Variants in ZNF793 observed in about 807,000 individuals in gnomAD.
The protein encoded by ZNF793 is zinc finger protein 793.
ZNF793 carries 5 observed loss-of-function variants against 12.4 expected under a neutral mutation model. The observed-to-expected ratio is 0.40, with a 90% CI of 0.21 to 0.84. The LOEUF (loss-of-function observed/expected upper bound fraction) is 0.84. Ranked by LOEUF, ZNF793 falls within the 40% of genes least tolerant of loss-of-function variation. ZNF793 has a pLI of 0.35. For missense variants in ZNF793, 456 were observed against 495.0 expected (o/e 0.92, Z 0.75); for synonymous variants, 162 against 172.4 (o/e 0.94, Z 0.47).
chr19:37,507,229 TGAA>T (rs2042257030), intron 1 of ZNF793: 1 of 152,886 alleles, frequency 6.5e-6, no homozygotes, highest in South Asian at 2.1e-4. Flanking sequence ...GCACGGTCTC[TGAA>T]GAAGATGGAT....
chr19:37,542,378 G>A lies in ZNF793; in HGVS notation c.*4499G>A, dbSNP rs1362790861. On this transcript the variant is annotated 3_prime_UTR_variant, in exon 8 of 8. Coordinates refer to ENST00000627814, the MANE Select transcript of ZNF793 (RefSeq NM_001013659.3). ...ATTGCACTCCAACCTGGGCAACAGA[G>A]CAAAAAGATTCCATCTCAAAAGAAA... 8 of 352,234 alleles carry A rather than the reference G, an allele frequency of 2.3e-5. No individual in the cohort carries two copies. Among genetic ancestry groups the A allele is most frequent in the South Asian group, 1.6e-4 (7 of 44,582 alleles). The allele number at this position is 352,234 out of a possible 1,614,324, so 21.8% of individuals were successfully genotyped here.
At chr19:37,517,106 A>G (rs2042338480) in intron 2 of ZNF793, among the ~76,000 whole-genome samples, 1 of 152,198 alleles carries the variant, frequency 6.6e-6, no homozygotes, top group Admixed American at 6.5e-5. Context: ...CACTGATTTT[A>G]TCTGCCACAC....
chr19:37,535,611 T>TCCTC (rs1462568577), intron 7 of ZNF793: 3 of 151,860 alleles, frequency 2.0e-5, no homozygotes, highest in African/African-American at 7.3e-5. Context: ...TGCAGCCTCC[T>TCCTC]CCTCCTGGGT....
chr19:37,507,713 CAATTGATCCTCAGTCGTTGGG>C (rs1399577322), intron 1 of ZNF793, among the ~76,000 whole-genome samples: 2 of 152,064 alleles, frequency 1.3e-5, no homozygotes, highest in Non-Finnish European at 2.9e-5. Flanking sequence ...TGAGAATCAA[CAATTGATCCTCAGTCGTTGGG>C]ATATCATTGG....
chr19:37,506,520 C>T (rs1168712888), upstream of ZNF793: 1 of 152,174 alleles, frequency 6.6e-6, no homozygotes, highest in African/African-American at 2.4e-5. Context: ...CATAGGGGAG[C>T]TCCTAGGAGA....
Position 37,537,504 on chromosome 19 carries a change from C to T in ZNF793, c.846C>T (p.Pro282=). 6.2e-7 allele frequency: 1 copy of T among 1,614,064 alleles called. No homozygotes were observed. Among genetic ancestry groups the T allele is most frequent in the Admixed American group, 1.7e-5 (1 of 60,002 alleles). ...AGAGAATTCACACTGGGGTAAGACC[C>T]TTTGAATGTTTTTTTTGTGGGAAAG... is the stretch of plus-strand genomic sequence containing the variant. The part of the protein sequence containing the change: ...KHQRIHTGVR[P]FECFFCGKAF... The change falls in exon 8 of 8, where the codon CCC becomes CCT. Residue 282 remains proline, a synonymous_variant. Coordinates refer to ENST00000627814, the MANE Select transcript of ZNF793 (RefSeq NM_001013659.3).
At chr19:37,525,296 GC>G (rs1221584304) in intron 5 of ZNF793, among the ~76,000 whole-genome samples, 1 of 147,120 alleles carries the variant, frequency 6.8e-6, no homozygotes, top group Non-Finnish European at 1.5e-5. Context: ...CTGCCACCAT[GC>G]CCGGCTAATT....
At chr19:37,511,548 G>A (rs1480784238) in intron 2 of ZNF793, among the ~76,000 whole-genome samples, 1 of 152,186 alleles carries the variant, frequency 6.6e-6, no homozygotes, top group Non-Finnish European at 1.5e-5. Context: ...ACAAGCACCT[G>A]TAATCCCAGC....
At chr19:37,529,421 T>C (rs1199943374) in intron 5 of ZNF793, among the ~76,000 whole-genome samples, 1 of 152,180 alleles carries the variant, frequency 6.6e-6, no homozygotes, top group Non-Finnish European at 1.5e-5. Context: ...AAACTGCCTG[T>C]GAGTTTACAT....
At chr19:37,517,870 A>G (rs377015249) in intron 2 of ZNF793, among the ~76,000 whole-genome samples, 1 of 151,598 alleles carries the variant, frequency 6.6e-6, no homozygotes, top group African/African-American at 2.4e-5. Flanking sequence ...TATTGTTATT[A>G]TTGCTGTTAC....
In ZNF793 at chr19:37,538,073, G is replaced by T; in HGVS notation, c.*194G>T. On this transcript the variant is annotated 3_prime_UTR_variant, in exon 8 of 8. Transcript: ENST00000627814. ...ACTACAGGTGCCCACCACCATGCCC[G>T]GCTAATTTTTTTTTTGTATTTTTAG... 1.7e-6 allele frequency: 1 copy of T among 574,960 alleles called. No homozygotes were observed. The highest frequency in any genetic ancestry group is 2.5e-5 in the South Asian group (1 of 39,828). The allele number at this position is 574,960 out of a possible 1,614,324, so 35.6% of individuals were successfully genotyped here.
chr19:37,516,483 T>C (rs1173587889), intron 2 of ZNF793, among the ~76,000 whole-genome samples: 1 of 151,902 alleles, frequency 6.6e-6, no homozygotes, highest in Non-Finnish European at 1.5e-5. Flanking sequence ...TGATGGTATC[T>C]ATATGGTAAA....
At chr19:37,526,313 A>G (rs140115513) in intron 5 of ZNF793, among the ~76,000 whole-genome samples, 2 of 152,130 alleles carry the variant, frequency 1.3e-5, no homozygotes, top group African/African-American at 4.8e-5. Flanking sequence ...GGATCTTACT[A>G]TATTACCCAG....
intron 2 of ZNF793, among the ~76,000 whole-genome samples, chr19:37,509,652 T>C (rs1055349901): frequency 6.6e-6 from 1 of 152,204 alleles, no homozygotes; most frequent in Admixed American, 6.5e-5. Flanking sequence ...GGTAATTTTT[T>C]CTCCATGTTG....
chr19:37,516,597 G>T (rs561438328), intron 2 of ZNF793, among the ~76,000 whole-genome samples: 27 of 152,272 alleles, frequency 1.8e-4, no homozygotes, highest in Non-Finnish European at 3.5e-4. Flanking sequence ...CTGCCATGCT[G>T]CTAGAAGAGT....
intron 2 of ZNF793, among the ~76,000 whole-genome samples, chr19:37,512,734 A>G (rs2042303467): frequency 6.6e-6 from 1 of 152,138 alleles, no homozygotes. Context: ...CCACAATATA[A>G]TGATCGAAAG....
At chr19:37,514,470 C>T (rs1419406341) in intron 2 of ZNF793, among the ~76,000 whole-genome samples, 5 of 152,040 alleles carry the variant, frequency 3.3e-5, no homozygotes, top group Admixed American at 2.6e-4. Context: ...GTGGGAGGGT[C>T]GCTTGAGTCT....
Position 37,538,068 on chromosome 19 carries a change from T to A in ZNF793, c.*189T>A. 1 of 591,842 alleles carries A rather than the reference T, an allele frequency of 1.7e-6. No individual in the cohort carries two copies. The allele number at this position is 591,842 out of a possible 1,614,324, so 36.7% of individuals were successfully genotyped here. On this transcript the variant is annotated 3_prime_UTR_variant, in exon 8 of 8. Transcript: ENST00000627814. The stretch of plus-strand genomic sequence containing the variant: ...CTGGGACTACAGGTGCCCACCACCA[T>A]GCCCGGCTAATTTTTTTTTTGTATT...
rs1308348483 is a variant in ZNF793 at position 37,542,239 on chromosome 19, A to G, written c.*4360A>G. The G allele has an allele frequency of 5.2e-6, 1 of 191,060 alleles. No individual in the cohort carries two copies. The highest frequency in any genetic ancestry group is 1.1e-5 in the Non-Finnish European group (1 of 89,748). The allele number at this position is 191,060 out of a possible 1,614,324, so 11.8% of individuals were successfully genotyped here. A position where few individuals can be genotyped will look rare whatever the true frequency, so the allele number is the denominator to read the frequency against. On this transcript the variant is annotated 3_prime_UTR_variant, in exon 8 of 8. Transcript: ENST00000627814. ...GAAACCCCGTCTCTACTAAAAATAC[A>G]AAAATTAGCTGGGCATGGTGGCAGG... is the stretch of plus-strand genomic sequence containing the variant.
Sources: allele counts gnomAD v4.1 joint callset (sites outside exome capture counted in the v4.1 genomes callset), GRCh38; gene constraint gnomAD v4.1.1; transcripts MANE v1.5; gene names NCBI Gene and HGNC (gene_info 2026-07-23, HGNC 2026-07-21).